Variants in SPARC observed in about 807,000 individuals in gnomAD.
SPARC encodes secreted protein acidic and cysteine rich.
A neutral mutation model predicts 37.7 loss-of-function variants in SPARC; 23 were observed. The ratio of observed to expected loss-of-function variants is 0.61; its 90% confidence interval spans 0.44 to 0.87. The LOEUF (loss-of-function observed/expected upper bound fraction) is 0.87, where lower values mean the gene tolerates loss of function less well. SPARC is among the 40% of genes least tolerant of loss of function. The pLI is 0.00. For synonymous variants in SPARC, 155 were observed against 150.8 expected, an observed-to-expected ratio of 1.03 and a Z score of -0.20; for missense variants, 312 against 389.0, an observed-to-expected ratio of 0.80 and a Z score of 1.66.
Position 151,667,565 on chromosome 5 carries a change from A to C in SPARC, c.487T>G (p.Phe163Val). 1 of 1,614,142 alleles carries C rather than the reference A, an allele frequency of 6.2e-7. No individual in the cohort carries two copies. The highest frequency in any genetic ancestry group is 1.1e-5 in the South Asian group (1 of 91,084). ...AGCCAGTCCCGCATGCGCAGGGGGA[A>C]TTCGGTCAGCTCAGAGTCCAGGCAA... Reference protein sequence around the residue: ...PPCLDSELTEFPLRMRDWLKN... With the variant: ...PPCLDSELTEVPLRMRDWLKN... The change falls in exon 7 of 10, where the codon TTC becomes GTC. Residue 163 changes from phenylalanine (F) to valine (V), a missense_variant. By Grantham distance (50) the Phe-to-Val change is conservative. Transcript: ENST00000231061.
intron 1 of SPARC, among the ~76,000 whole-genome samples, chr5:151,678,411 C>T (rs1002847841): frequency 6.6e-6 from 1 of 152,178 alleles, no homozygotes; most frequent in African/African-American, 2.4e-5. Context: ...TCCCTGCCAC[C>T]CCCATCCCTG....
Position 151,662,690 on chromosome 5 carries a change from C to T in SPARC, c.*881G>A, listed in dbSNP as rs1479446788. On this transcript the variant is annotated 3_prime_UTR_variant, in exon 10 of 10. Transcript: ENST00000231061. ...CAATCATCCAAATGTGAGGAAAGAA[C>T]AACCGATTCACCAACTCCACTTTTT... is the stretch of plus-strand genomic sequence containing the variant. The T allele has an allele frequency of 6.6e-6, 1 of 152,500 alleles. No homozygotes were observed. The highest frequency in any genetic ancestry group is 1.5e-5 in the Non-Finnish European group (1 of 68,042). The allele number at this position is 152,500 out of a possible 1,614,324, so 9.4% of individuals were successfully genotyped here.
chr5:151,674,804 G>T, intron 2 of SPARC, 130 bp from the exon 3 acceptor site: 2 of 813,410 alleles, frequency 2.5e-6, no homozygotes, highest in Non-Finnish European at 4.0e-6. Context: ...CCAAAGTTGT[G>T]CCTCATGGAC....
At chr5:151,668,157 C>CT (rs1215347332) in intron 6 of SPARC, among the ~76,000 whole-genome samples, 3,918 of 90,412 alleles carry the variant, frequency 0.043, 79 homozygotes, top group Admixed American at 0.093. Context: ...TTTTTTTCTT[C>CT]TTTTTTTTTT....
intron 6 of SPARC, among the ~76,000 whole-genome samples, 199 bp downstream of exon 6, chr5:151,669,465 A>G (rs1224503149): frequency 1.3e-5 from 2 of 152,198 alleles, no homozygotes; most frequent in Non-Finnish European, 2.9e-5. Context: ...GTCCTTCCCC[A>G]GAAAGTGCCC....
chr5:151,685,474 A>C (rs2113126932), intron 1 of SPARC, among the ~76,000 whole-genome samples: 1 of 148,540 alleles, frequency 6.7e-6, no homozygotes, highest in South Asian at 2.1e-4. Flanking sequence ...TACAATTTTT[A>C]GGGGCTTAGA....
chr5:151,670,975 A>G (rs1252434371), intron 5 of SPARC, among the ~76,000 whole-genome samples: 3 of 152,202 alleles, frequency 2.0e-5, no homozygotes, highest in Non-Finnish European at 4.4e-5. Flanking sequence ...CACTAGCATG[A>G]TGGTAGGCAG....
In SPARC at chr5:151,685,420, T is replaced by TCACACACACACACACA. The variant is rs368789187; in HGVS notation, c.-14+1444_-14+1445insTGTGTGTGTGTGTGTG. Among the ~76,000 whole-genome samples the TCACACACACACACACA allele has an allele frequency of 1.8e-4, 19 of 107,214 alleles. No homozygotes were observed. The East Asian group carries it at 2.0e-3, about 11-fold the overall frequency. 70.3% of individuals were successfully genotyped at this position (107,214 alleles called of 152,430 possible). On this transcript the variant is annotated intron_variant, in intron 1 of 9. Transcript: ENST00000231061. ...CTCTCTCTCTCTCTCTCCCTCTCTC[T>TCACACACACACACACA]CTCACACACACACACACACACACAC...
intron 1 of SPARC, among the ~76,000 whole-genome samples, chr5:151,680,375 T>A (rs12153644): frequency 0.46 from 69,676 of 151,358 alleles, 17,382 homozygotes; most frequent in African/African-American, 0.64. Context: ...TCACAGGCAC[T>A]TGTGACTACA....
Position 151,671,660 on chromosome 5 carries a change from C to G in SPARC, c.243G>C (p.Lys81Asn). ...PCQNHHCKHG[K>N]VCELDENNTP... Reference sequence around the variant, plus strand: ...TGTTGTTCTCATCCAGCTCGCACACCTTGCCGTGTTTGCAGTGGTGGTTCT... The same window carrying G: ...TGTTGTTCTCATCCAGCTCGCACACGTTGCCGTGTTTGCAGTGGTGGTTCT... Residue 81 changes from lysine (K) to asparagine (N), a missense_variant, in exon 5 of 10, where the codon AAG becomes AAC. Lys to Asn is a moderately conservative substitution (Grantham distance 94, BLOSUM62 0). Transcript: ENST00000231061. 6.2e-7 allele frequency: 1 copy of G among 1,613,426 alleles called. No individual in the cohort carries two copies. The highest frequency in any genetic ancestry group is 1.3e-5 in the African/African-American group (1 of 74,970).
chr5:151,686,663 TAC>T (rs1412260915), intron 1 of SPARC, 200 bp downstream of exon 1: 1 of 152,136 alleles, frequency 6.6e-6, no homozygotes, highest in Non-Finnish European at 1.5e-5. Flanking sequence ...AAGACAAAGT[TAC>T]ACAGTGAGTC....
chr5:151,665,299 A>G (rs1760597030), intron 8 of SPARC, among the ~76,000 whole-genome samples: 1 of 152,132 alleles, frequency 6.6e-6, no homozygotes, highest in Non-Finnish European at 1.5e-5. Flanking sequence ...CCTGAGCTCC[A>G]GATGTTCCCC....
rs552319548 is a variant in SPARC, at chr5:151,665,476, G to A, written c.734+885C>T. Among the ~76,000 whole-genome samples, 7 of 152,328 alleles carry A rather than the reference G, an allele frequency of 4.6e-5. No individual in the cohort carries two copies. In the South Asian group the frequency reaches 8.3e-4, roughly 18 times the overall value. ...CAGGCACACAGGCTGGACAAAGAGCGAGGGGTGAACATCCTAGAGAGGAAG... is the reference window on the plus strand; with the variant it reads ...CAGGCACACAGGCTGGACAAAGAGCAAGGGGTGAACATCCTAGAGAGGAAG... On this transcript the variant is annotated intron_variant, in intron 8 of 9. Coordinates refer to ENST00000231061, the MANE Select transcript of SPARC (RefSeq NM_003118.4).
intron 1 of SPARC, among the ~76,000 whole-genome samples, chr5:151,677,242 GTTCT>G (rs993731951): frequency 2.0e-5 from 3 of 152,148 alleles, no homozygotes; most frequent in Admixed American, 6.5e-5. Context: ...ACTTTAGAAA[GTTCT>G]TTCTTTTACT....
intron 1 of SPARC, 198 bp downstream of exon 1, chr5:151,686,667 C>T (rs960798260): frequency 1.3e-5 from 2 of 152,232 alleles, no homozygotes; most frequent in Admixed American, 6.6e-5. Flanking sequence ...CAAAGTTACA[C>T]AGTGAGTCCA....
rs34827878 is a variant in SPARC at position 151,664,160 on chromosome 5, G to A, written c.810C>T (p.Phe270=). The stretch of plus-strand genomic sequence containing the variant: ...TGTCATTGTCCAGGTCACAGGTCTC[G>A]AAAAAGCGGGTGGTGCAATGCTCCA... ...IPMEHCTTRF[F]ETCDLDNDKY... Residue 270 remains phenylalanine (F), a synonymous_variant, in exon 9 of 10, where the codon TTC becomes TTT. Coordinates refer to ENST00000231061, the MANE Select transcript of SPARC (RefSeq NM_003118.4). 733 of 1,614,154 alleles carry A rather than the reference G, an allele frequency of 4.5e-4. No individual in the cohort carries two copies. In the African/African-American group the frequency reaches 8.5e-3, roughly 19 times the overall value.
intron 2 of SPARC, 37 bp from the exon 3 acceptor site, chr5:151,674,711 G>A: frequency 1.9e-6 from 3 of 1,605,268 alleles, no homozygotes; most frequent in Non-Finnish European, 2.6e-6. Context: ...GAGGGGTCAG[G>A]AATAAGGCCA....
chr5:151,672,444 C>T (rs1268367042), intron 4 of SPARC, among the ~76,000 whole-genome samples: 2 of 152,166 alleles, frequency 1.3e-5, no homozygotes, highest in Non-Finnish European at 2.9e-5. Flanking sequence ...TCTTCATCAG[C>T]CCCATATGAG....
intron 6 of SPARC, among the ~76,000 whole-genome samples, chr5:151,668,652 G>C (rs1340566143): frequency 6.6e-6 from 1 of 151,984 alleles, no homozygotes; most frequent in African/African-American, 2.4e-5. Flanking sequence ...GGGTCTGGGA[G>C]AGAATATCTG....
Sources: gnomAD v4.1 joint callset for allele counts (sites outside exome capture counted in the v4.1 genomes callset) on GRCh38, gnomAD v4.1.1 for gene constraint, MANE v1.5 for transcripts, NCBI Gene and HGNC (gene_info 2026-07-23, HGNC 2026-07-21) for gene names.